CNGB1: variants seen among roughly 807,000 people sequenced by gnomAD.
The protein encoded by CNGB1 is cyclic nucleotide-gated channel beta-1.
Under a neutral mutation model 151.7 loss-of-function variants are expected in CNGB1, and 126 were observed. That is an observed-to-expected ratio of 0.83 (90% CI 0.72 to 0.96). CNGB1 has a LOEUF of 0.96. CNGB1 is among the 40% of genes least tolerant of loss of function. The pLI is 0.00. For synonymous variants in CNGB1, 623 were observed against 635.1 expected (o/e 0.98, Z 0.29); for missense variants, 1,698 against 1,627.0 (o/e 1.04, Z -0.75).
Position 57,901,442 on chromosome 16 carries a change from C to T in CNGB1, c.2893-7G>A, listed in dbSNP as rs749199721. 1.9e-5 allele frequency: 31 copies of T among 1,614,190 alleles called. No homozygotes were observed. The highest frequency in any genetic ancestry group is 3.3e-4 in the Middle Eastern group (2 of 6,062). ...TCATCTGCCGGTCACAGCCCTGTCC[C>T]GGTGAGGAAGGGAAAGGAACTTTTT... On this transcript the variant is annotated splice_region_variant and splice_polypyrimidine_tract_variant and intron_variant, in intron 28 of 32. Coordinates refer to ENST00000251102, the MANE Select transcript of CNGB1 (RefSeq NM_001297.5).
At position 57,912,979 on chromosome 16, in the gene CNGB1, CGAA is replaced by C. The variant is rs1281208682; in HGVS notation, c.2317_2319del (p.Phe773del). ...ATGGATTCCAGGCGGCTGTTAAACT[CGAA>C]GAAGGCCATGTACTGGAGGGAGAGG... On this transcript the variant is annotated inframe_deletion, in exon 24 of 33. Coordinates refer to ENST00000251102, the MANE Select transcript of CNGB1 (RefSeq NM_001297.5). The C allele has an allele frequency of 6.2e-7, 1 of 1,613,820 alleles. No individual in the cohort carries two copies. The highest frequency in any genetic ancestry group is 2.2e-5 in the East Asian group (1 of 44,888).
chr16:57,908,029 C>T (rs932950395), intron 25 of CNGB1, among the ~76,000 whole-genome samples: 3 of 152,206 alleles, frequency 2.0e-5, no homozygotes, highest in South Asian at 4.1e-4. Context: ...GCTGGAATTA[C>T]GAGCGTGTAC....
At chr16:57,969,052 T>C (rs1302431579) in intron 1 of CNGB1, among the ~76,000 whole-genome samples, 1 of 152,006 alleles carries the variant, frequency 6.6e-6, no homozygotes, top group East Asian at 1.9e-4. Context: ...ACGCCTGTAA[T>C]CCCAGCACTT....
rs141196212 is a variant in CNGB1 at position 57,901,765 on chromosome 16, C to A, written c.2795-140G>T. On this transcript the variant is annotated intron_variant, in intron 27 of 32. Coordinates refer to ENST00000251102, the MANE Select transcript of CNGB1 (RefSeq NM_001297.5). ...GGAACCACTCTGGATTTGTAGTGCA[C>A]CCTCTCTCACCTCCAGGCATTTGCC... 2.7e-3 allele frequency: 1,921 copies of A among 719,328 alleles called. 16 individuals carry two copies. The highest frequency in any genetic ancestry group is 1.7e-3 in the Non-Finnish European group (668 of 401,128). The allele number at this position is 719,328 out of a possible 1,614,324, so 44.6% of individuals were successfully genotyped here.
At chr16:57,931,300 G>A (rs938354088) in intron 17 of CNGB1, among the ~76,000 whole-genome samples, 5 of 152,002 alleles carry the variant, frequency 3.3e-5, no homozygotes, top group Non-Finnish European at 7.4e-5. Context: ...TTACAGGAGT[G>A]AGCCACTATG....
intron 32 of CNGB1, among the ~76,000 whole-genome samples, chr16:57,885,176 G>C (rs537319947): frequency 1.8e-4 from 28 of 152,336 alleles, no homozygotes; most frequent in Middle Eastern, 3.4e-3. Context: ...ATCTCTGCAC[G>C]GAAGGAAACT....
chr16:57,884,204 G>A lies in CNGB1; in HGVS notation c.3716C>T (p.Ser1239Leu). The change falls in exon 33 of 33, where the codon TCG becomes TTG. Residue 1239 changes from serine to leucine, a missense_variant. By Grantham distance (145) the Ser-to-Leu change is moderately radical (BLOSUM62 -2). Transcript: ENST00000251102. ...CTCCCTTTCCTCCGGCATCTTCACC[G>A]ACAGGATCTGCTCTCCCGGCTCCGG... ...PGPEPGEQIL[S>L]VKMPEEREEK... is the part of the protein sequence containing the mutation. 1 of 1,614,014 alleles carries A rather than the reference G, an allele frequency of 6.2e-7. No individual in the cohort carries two copies. The highest frequency in any genetic ancestry group is 8.5e-7 in the Non-Finnish European group (1 of 1,179,932).
rs746847813 is a variant in CNGB1, at chr16:57,920,417, C to T, written c.1771G>A (p.Val591Ile). Residue 591 changes from valine (V) to isoleucine (I), a missense_variant, in exon 19 of 33, where the codon GTC (valine) becomes ATC (isoleucine). Transcript: ENST00000251102. ...KVKEKLIDPDVTSDEESPKPS... is the reference protein window; with the variant it reads ...KVKEKLIDPDITSDEESPKPS... ...TTGGGGCTCTCCTCATCAGAGGTGA[C>T]GTCAGGGTCAATGAGTTTCTCCTTC... The T allele has an allele frequency of 9.9e-6, 16 of 1,614,096 alleles. No individual in the cohort carries two copies. Among genetic ancestry groups the T allele is most frequent in the Middle Eastern group, 1.6e-4 (1 of 6,084 alleles).
chr16:57,957,842 T>A (rs1157734570), intron 11 of CNGB1, among the ~76,000 whole-genome samples: 1 of 152,204 alleles, frequency 6.6e-6, no homozygotes, highest in Non-Finnish European at 1.5e-5. Flanking sequence ...GGGCCAGAGC[T>A]GAGGCCACAC....
At chr16:57,948,601 C>T (rs1353414520) in intron 14 of CNGB1, among the ~76,000 whole-genome samples, 2 of 152,102 alleles carry the variant, frequency 1.3e-5, no homozygotes, top group South Asian at 2.1e-4. Context: ...TATCCACACT[C>T]GCTCCCTGGG....
chr16:57,960,263 A>G (rs1483602972), intron 9 of CNGB1, among the ~76,000 whole-genome samples, 198 bp from the exon 10 acceptor site: 1 of 152,180 alleles, frequency 6.6e-6, no homozygotes, highest in Non-Finnish European at 1.5e-5. Context: ...AGACTTACCC[A>G]AGACCCACAA....
In CNGB1 at chr16:57,897,872, C is replaced by G. The variant is rs765061130; in HGVS notation, c.3019G>C (p.Val1007Leu). ...REMYIIQAGQ[V>L]QVLGGPDGKS... Reference sequence around the variant, plus strand: ...CCATCAGGGCCGCCCAAGACCTGCACTTGCCCTGCCTGGATGATGTACATC... The same window carrying G: ...CCATCAGGGCCGCCCAAGACCTGCAGTTGCCCTGCCTGGATGATGTACATC... The change falls in exon 30 of 33, where the codon GTG becomes CTG. Residue 1007 changes from valine to leucine, a missense_variant. Physicochemically the swap from Val to Leu is conservative, Grantham distance 32. Coordinates refer to ENST00000251102, the MANE Select transcript of CNGB1 (RefSeq NM_001297.5). The G allele has an allele frequency of 6.8e-6, 11 of 1,614,136 alleles. No homozygotes were observed. The highest frequency in any genetic ancestry group is 5.0e-5 in the Admixed American group (3 of 60,014).
At chr16:57,945,489 T>C (rs1296724702) in intron 14 of CNGB1, among the ~76,000 whole-genome samples, 1 of 152,246 alleles carries the variant, frequency 6.6e-6, no homozygotes, top group Non-Finnish European at 1.5e-5. Flanking sequence ...GGGCTGCCTC[T>C]GTCTGCTCAT....
At chr16:57,925,803 T>C (rs912966147) in intron 17 of CNGB1, among the ~76,000 whole-genome samples, 1 of 152,156 alleles carries the variant, frequency 6.6e-6, no homozygotes, top group African/African-American at 2.4e-5. Context: ...TTCTCCTGCC[T>C]CAGCCTCTTG....
At position 57,901,595 on chromosome 16, in the gene CNGB1, T is replaced by G. The variant is rs1452652521; in HGVS notation, c.2825A>C (p.Asp942Ala). 2.5e-6 allele frequency: 4 copies of G among 1,614,016 alleles called. No homozygotes were observed. The highest frequency in any genetic ancestry group is 8.5e-7 in the Non-Finnish European group (1 of 1,180,022). Residue 942 changes from aspartate to alanine, a missense_variant, in exon 28 of 33, where the codon GAC (aspartate) becomes GCC (alanine). Physicochemically the swap from Asp to Ala is moderately radical, Grantham distance 126. Coordinates refer to ENST00000251102, the MANE Select transcript of CNGB1 (RefSeq NM_001297.5). ...GATGGCGAGGTCCAGCCGCATCTTG[T>G]CTGGAAGCTGCACCATCAGCTCTGA... ...DESELMVQLP[D>A]KMRLDLAIDV...
chr16:57,965,777 AACC>A (rs1490512616), intron 2 of CNGB1, among the ~76,000 whole-genome samples: 1 of 152,198 alleles, frequency 6.6e-6, no homozygotes, highest in Non-Finnish European at 1.5e-5. Flanking sequence ...AAGCACATGG[AACC>A]ACAGACATAC....
At chr16:57,935,652 C>G (rs574563986) in intron 16 of CNGB1, among the ~76,000 whole-genome samples, 8 of 150,138 alleles carry the variant, frequency 5.3e-5, no homozygotes, top group East Asian at 1.9e-4. Flanking sequence ...CGTCCCCCCC[C>G]AAAAAAAAAT....
intron 16 of CNGB1, among the ~76,000 whole-genome samples, chr16:57,939,222 A>C (rs367815358): frequency 4.6e-5 from 7 of 152,072 alleles, no homozygotes; most frequent in African/African-American, 1.7e-4. Context: ...AATTCCTTAG[A>C]ACCTTTGAGA....
At chr16:57,963,925 T>G (rs1173729571) in intron 4 of CNGB1, 6 of 579,912 alleles carry the variant, frequency 1.0e-5, no homozygotes, top group African/African-American at 1.9e-5. Context: ...AATTACAAAC[T>G]GGGAGCTTCA....
Sources: gnomAD v4.1 joint callset for allele counts (sites outside exome capture counted in the v4.1 genomes callset) on GRCh38, gnomAD v4.1.1 for gene constraint, MANE v1.5 for transcripts, NCBI Gene and HGNC (gene_info 2026-07-23, HGNC 2026-07-21) for gene names.